FANCD2: variants seen among roughly 807,000 people sequenced by gnomAD.
The protein encoded by FANCD2 is FA complementation group D2.
FANCD2 carries 131 observed loss-of-function variants against 192.3 expected under a neutral mutation model. The observed-to-expected ratio is 0.68, with a 90% CI of 0.59 to 0.79. The LOEUF is 0.79. FANCD2 is among the 30% of genes least tolerant of loss of function. FANCD2 has a pLI of 0.00. For synonymous variants in FANCD2, 524 were observed against 612.5 expected (o/e 0.86, Z 2.13); for missense variants, 1,508 against 1,701.6 (o/e 0.89, Z 2.00).
chr3:10,055,656 C>T (rs1388552735), intron 18 of FANCD2, among the ~76,000 whole-genome samples: 1 of 151,758 alleles, frequency 6.6e-6, no homozygotes, highest in East Asian at 1.9e-4. Context: ...ACTAAAAATA[C>T]AAAAAATTAG....
chr3:10,099,903 A>G (rs1368219892), intron 43 of FANCD2, among the ~76,000 whole-genome samples: 1 of 152,148 alleles, frequency 6.6e-6, no homozygotes, highest in Admixed American at 6.5e-5. Context: ...ATCATTTAGT[A>G]TGAAAAGTCT....
At position 10,092,319 on chromosome 3, in the gene FANCD2, A is replaced by T. The variant is rs2125086407; in HGVS notation, c.3849+67A>T. ...CAGAAACCAAGTGTCCTGGCTTCCA[A>T]AATGGACTTTCCTTGCTCCTCTTCC... On this transcript the variant is annotated intron_variant, in intron 38 of 43. Coordinates refer to ENST00000675286, the MANE Select transcript of FANCD2 (RefSeq NM_001018115.3). 7 of 1,243,720 alleles carry T rather than the reference A, an allele frequency of 5.6e-6. No homozygotes were observed. The East Asian group carries it at 1.2e-4, about 21-fold the overall frequency. The allele number at this position is 1,243,720 out of a possible 1,614,324, so 77.0% of individuals were successfully genotyped here.
intron 14 of FANCD2, among the ~76,000 whole-genome samples, chr3:10,046,055 C>CTT (rs57661428): frequency 1.5e-4 from 19 of 124,418 alleles, no homozygotes; most frequent in African/African-American, 4.3e-4. Context: ...GCTCTGTATT[C>CTT]TTTTTTTTTT....
At chr3:10,045,337 T>C (rs2086974765) in intron 14 of FANCD2, among the ~76,000 whole-genome samples, 1 of 151,770 alleles carries the variant, frequency 6.6e-6, no homozygotes. Context: ...CCCGGCTAAT[T>C]TTTTGTATTT....
At chr3:10,042,314 G>A (rs574431883) in intron 10 of FANCD2, among the ~76,000 whole-genome samples, 1 of 152,170 alleles carries the variant, frequency 6.6e-6, no homozygotes, top group South Asian at 2.1e-4. Context: ...TGAGAATTTA[G>A]GCTCTAAATG....
chr3:10,034,081 T>G (rs2086668616), intron 3 of FANCD2, among the ~76,000 whole-genome samples: 1 of 149,132 alleles, frequency 6.7e-6, no homozygotes, highest in African/African-American at 2.5e-5. Flanking sequence ...TCCCAGCACT[T>G]GGGAGGCTGA....
rs2086867268 is a variant in FANCD2, at chr3:10,041,667, A to G, written c.740A>G (p.Asp247Gly). 1 of 1,613,938 alleles carries G rather than the reference A, an allele frequency of 6.2e-7. No individual in the cohort carries two copies. The highest frequency in any genetic ancestry group is 8.5e-7 in the Non-Finnish European group (1 of 1,179,872). ...ACTTCACTCACTGTCCCAATCCTGG[A>G]TGTCCTTTCAAGCCTCCGACTTGAC... is the stretch of plus-strand genomic sequence containing the variant. ...ENTSLTVPILDVLSSLRLDPN... is the reference protein window; with the variant it reads ...ENTSLTVPILGVLSSLRLDPN... Residue 247 changes from aspartate to glycine, a missense_variant, in exon 10 of 44, where the codon GAT becomes GGT. Asp to Gly is a moderately conservative substitution (Grantham distance 94, BLOSUM62 -1). Coordinates refer to ENST00000675286, the MANE Select transcript of FANCD2 (RefSeq NM_001018115.3).
intron 2 of FANCD2, chr3:10,032,522 G>C (rs955846233): frequency 2.9e-6 from 1 of 342,390 alleles, no homozygotes; most frequent in African/African-American, 2.2e-5. Context: ...GCCCAGGCTG[G>C]TCTTGAACTC....
chr3:10,044,643 G>T (rs2086951697), intron 14 of FANCD2, among the ~76,000 whole-genome samples: 1 of 152,002 alleles, frequency 6.6e-6, no homozygotes, highest in South Asian at 2.1e-4. Context: ...TGCCTTTAAA[G>T]ATTTTTCTTT....
chr3:10,100,593 A>G (rs748995059), intron 43 of FANCD2, among the ~76,000 whole-genome samples: 3 of 152,126 alleles, frequency 2.0e-5, no homozygotes, highest in Non-Finnish European at 4.4e-5. Context: ...GCTGGTCTCG[A>G]ACTCCTAACC....
chr3:10,063,679 A>G, intron 20 of FANCD2, 113 bp from the exon 21 acceptor site: 1 of 1,396,732 alleles, frequency 7.2e-7, no homozygotes, highest in Non-Finnish European at 1.0e-6. Context: ...CAAGTGAGAC[A>G]TAGAGCTTTG....
At position 10,041,679 on chromosome 3, in the gene FANCD2, G is replaced by T; in HGVS notation, c.752G>T (p.Ser251Ile). The change falls in exon 10 of 44, where the codon AGC becomes ATC. Residue 251 changes from serine to isoleucine, a missense_variant. Physicochemically the swap from Ser to Ile is moderately radical, Grantham distance 142 (BLOSUM62 -2). Coordinates refer to ENST00000675286, the MANE Select transcript of FANCD2 (RefSeq NM_001018115.3). ...LTVPILDVLS[S>I]LRLDPNFLLK... ...GTCCCAATCCTGGATGTCCTTTCAAGCCTCCGACTTGACCCAAACTTCCTA... is the reference window on the plus strand; with the variant it reads ...GTCCCAATCCTGGATGTCCTTTCAATCCTCCGACTTGACCCAAACTTCCTA... 6.2e-7 allele frequency: 1 copy of T among 1,613,842 alleles called. No homozygotes were observed. The highest frequency in any genetic ancestry group is 8.5e-7 in the Non-Finnish European group (1 of 1,179,858).
chr3:10,031,303 A>G (rs1390982246), intron 2 of FANCD2, among the ~76,000 whole-genome samples: 1 of 152,120 alleles, frequency 6.6e-6, no homozygotes, highest in Non-Finnish European at 1.5e-5. Flanking sequence ...GGAGATTGAG[A>G]CCATCTTGGC....
intron 1 of FANCD2, among the ~76,000 whole-genome samples, chr3:10,027,580 G>A (rs763226208): frequency 4.6e-5 from 7 of 152,114 alleles, no homozygotes; most frequent in Non-Finnish European, 2.9e-5. Context: ...CTGGCTAACT[G>A]CTGTTTCAGC....
Position 10,099,106 on chromosome 3 carries a change from T to C in FANCD2, c.4281+291T>C, listed in dbSNP as rs1695152820. 9 of 1,512,712 alleles carry C rather than the reference T, an allele frequency of 5.9e-6. No individual in the cohort carries two copies. The South Asian group carries it at 1.1e-4, about 19-fold the overall frequency. 93.7% of individuals were successfully genotyped at this position (1,512,712 alleles called of 1,614,324 possible). The stretch of plus-strand genomic sequence containing the variant: ...TTCCATGAATTCATATCTGAAACCA[T>C]TTTAGAAGGGAGAAGTCATCGAAGT... On this transcript the variant is annotated intron_variant, in intron 43 of 43. Transcript: ENST00000675286.
intron 9 of FANCD2, chr3:10,040,586 A>G: frequency 2.2e-6 from 1 of 456,474 alleles, no homozygotes; most frequent in Non-Finnish European, 4.4e-6. Flanking sequence ...GCGGAGACCC[A>G]TTGCTTACTG....
chr3:10,051,765 T>C (rs1453854887), intron 17 of FANCD2, among the ~76,000 whole-genome samples: 1 of 152,152 alleles, frequency 6.6e-6, no homozygotes, highest in African/African-American at 2.4e-5. Context: ...TACAAAGCTG[T>C]TTTATTACTT....
chr3:10,070,543 G>A (rs1407674365), intron 26 of FANCD2, among the ~76,000 whole-genome samples: 1 of 140,548 alleles, frequency 7.1e-6, no homozygotes, highest in Admixed American at 6.9e-5. Flanking sequence ...CGCCCCGTCC[G>A]GGAGGTGAGG....
chr3:10,036,274 T>A lies in FANCD2; in HGVS notation c.439-13T>A. The A allele has an allele frequency of 6.2e-7, 1 of 1,607,186 alleles. No homozygotes were observed. The highest frequency in any genetic ancestry group is 8.5e-7 in the Non-Finnish European group (1 of 1,174,118). On this transcript the variant is annotated splice_polypyrimidine_tract_variant and intron_variant, in intron 6 of 43. Coordinates refer to ENST00000675286, the MANE Select transcript of FANCD2 (RefSeq NM_001018115.3). ...TGAGATCATCTCCTAACTCCCTATG[T>A]CTTCTTTTTTAGCCTGCCATTATCA...
Sources: allele counts gnomAD v4.1 joint callset (sites outside exome capture counted in the v4.1 genomes callset), GRCh38; gene constraint gnomAD v4.1.1; transcripts MANE v1.5; gene names NCBI Gene and HGNC (gene_info 2026-07-23, HGNC 2026-07-21).